FSTL5: variants seen among roughly 807,000 people sequenced by gnomAD.
FSTL5 encodes follistatin like 5, also known as follistatin-related protein 5.
FSTL5 carries 62 observed loss-of-function variants against 89.1 expected under a neutral mutation model. The ratio of observed to expected loss-of-function variants is 0.70; its 90% CI spans 0.57 to 0.86. FSTL5 has a LOEUF of 0.86. Among genes scored for constraint, FSTL5 ranks in the 40% least tolerant of loss-of-function variants. The pLI, the probability that FSTL5 is intolerant of heterozygous loss-of-function variation, is 0.00. For synonymous variants in FSTL5, 383 were observed against 346.2 expected (o/e 1.11, Z -1.18); for missense variants, 1,057 against 1,001.6 (o/e 1.06, Z -0.75).
intron 10 of FSTL5, among the ~76,000 whole-genome samples, chr4:161,530,463 A>G (rs1425821792): frequency 6.8e-6 from 1 of 147,602 alleles, no homozygotes; most frequent in African/African-American, 2.4e-5. Context: ...GTTTTTTAAA[A>G]AATCTTCAAG....
chr4:161,745,207 A>G (rs533626930), intron 6 of FSTL5, among the ~76,000 whole-genome samples: 4 of 152,226 alleles, frequency 2.6e-5, no homozygotes, highest in African/African-American at 7.2e-5. Context: ...CTAATATTTC[A>G]GCAAGTAGTA....
At chr4:161,387,123 G>A (rs1270543859) in intron 15 of FSTL5, 1 of 152,006 alleles carries the variant, frequency 6.6e-6, no homozygotes, top group Non-Finnish European at 1.5e-5. Context: ...AATATTGCTT[G>A]AGAATTATCA....
At chr4:161,664,437 G>T (rs1202063952) in intron 6 of FSTL5, among the ~76,000 whole-genome samples, 1 of 152,062 alleles carries the variant, frequency 6.6e-6, no homozygotes, top group South Asian at 2.1e-4. Context: ...TCTAGGGCAG[G>T]GTCAAAATGC....
chr4:162,029,174 TGTGTGTGTGTGTGC>T (rs1737418913), intron 3 of FSTL5, among the ~76,000 whole-genome samples: 1 of 151,658 alleles, frequency 6.6e-6, no homozygotes, highest in African/African-American at 2.4e-5. Flanking sequence ...AGAGTGTGTG[TGTGTGTGTGTGTGC>T]GTGTGTGTGT....
At chr4:161,617,559 C>T (rs141710942) in intron 7 of FSTL5, among the ~76,000 whole-genome samples, 28 of 152,094 alleles carry the variant, frequency 1.8e-4, no homozygotes, top group Non-Finnish European at 3.4e-4. Flanking sequence ...AAAATCATAC[C>T]TAGGCAAATC....
chr4:161,617,046 C>T (rs1734899127), intron 7 of FSTL5, among the ~76,000 whole-genome samples: 1 of 150,360 alleles, frequency 6.7e-6, no homozygotes, highest in Non-Finnish European at 1.5e-5. Flanking sequence ...GCAATAAGTA[C>T]CAAAAGACCT....
rs573640197 is a variant in FSTL5, at chr4:161,593,166, C to T, written c.895-5591G>A. Among the ~76,000 whole-genome samples, 3 of 151,830 alleles carry T rather than the reference C, an allele frequency of 2.0e-5. 1 individual carries two copies. In the East Asian group the frequency reaches 5.8e-4, roughly 29 times the overall value. Reference sequence around the variant, plus strand: ...AATAAAAAGCAAGCATTTATCTTCACTTCATTTTTGTAAAATGTAAATACT... The same window carrying T: ...AATAAAAAGCAAGCATTTATCTTCATTTCATTTTTGTAAAATGTAAATACT... On this transcript the variant is annotated intron_variant, in intron 7 of 15. Transcript: ENST00000306100.
At chr4:161,470,850 C>T (rs1305018874) in intron 13 of FSTL5, among the ~76,000 whole-genome samples, 1 of 152,152 alleles carries the variant, frequency 6.6e-6, no homozygotes, top group African/African-American at 2.4e-5. Flanking sequence ...TATGCTATGA[C>T]AAGTTGAACT....
chr4:161,474,668 C>T (rs886282728), intron 13 of FSTL5, among the ~76,000 whole-genome samples: 8 of 151,738 alleles, frequency 5.3e-5, no homozygotes, highest in African/African-American at 1.9e-4. Context: ...GCCTCAGCCA[C>T]CTAAGTAGCT....
At chr4:162,080,920 T>C (rs1233381976) in intron 2 of FSTL5, among the ~76,000 whole-genome samples, 1 of 151,682 alleles carries the variant, frequency 6.6e-6, no homozygotes, top group East Asian at 1.9e-4. Context: ...AAATTATTGC[T>C]GTGAACTAAG....
At position 161,634,783 on chromosome 4, in the gene FSTL5, A is replaced by G. The variant is rs775511679; in HGVS notation, c.894+21545T>C. ...ATTGTTCAAAGGGTACGAAGTTTCT[A>G]TTATGCAGGATGATTGAATTATTGA... is the stretch of plus-strand genomic sequence containing the variant. On this transcript the variant is annotated intron_variant, in intron 7 of 15. Transcript: ENST00000306100. Among the ~76,000 whole-genome samples, 4 of 152,158 alleles carry G rather than the reference A, an allele frequency of 2.6e-5. No individual in the cohort carries two copies. The East Asian group carries it at 7.7e-4, about 29-fold the overall frequency.
chr4:161,822,476 C>T (rs1196410346), intron 4 of FSTL5, among the ~76,000 whole-genome samples: 1 of 152,168 alleles, frequency 6.6e-6, no homozygotes, highest in Non-Finnish European at 1.5e-5. Flanking sequence ...GGCACTGGTG[C>T]AGGCACTGGC....
intron 14 of FSTL5, among the ~76,000 whole-genome samples, chr4:161,456,146 T>G (rs1733343901): frequency 6.6e-6 from 1 of 152,192 alleles, no homozygotes. Flanking sequence ...TTTCAAGTTA[T>G]TTCCTGGGAA....
intron 3 of FSTL5, among the ~76,000 whole-genome samples, chr4:161,923,343 AATT>A (rs974783918): frequency 1.3e-5 from 2 of 151,910 alleles, no homozygotes; most frequent in African/African-American, 4.8e-5. Flanking sequence ...AAATTATATC[AATT>A]ATTACTATAA....
intron 4 of FSTL5, among the ~76,000 whole-genome samples, chr4:161,874,774 A>C (rs762667038): frequency 7.2e-5 from 11 of 152,148 alleles, no homozygotes; most frequent in Non-Finnish European, 1.3e-4. Context: ...CCCATAAATC[A>C]TGTAAACAAA....
intron 14 of FSTL5, among the ~76,000 whole-genome samples, chr4:161,455,460 C>A (rs753457305): frequency 6.6e-6 from 1 of 151,960 alleles, no homozygotes; most frequent in Non-Finnish European, 1.5e-5. Context: ...TGCAAACATA[C>A]AAGTAATGTG....
At chr4:162,097,838 C>A (rs2111374287) in intron 2 of FSTL5, among the ~76,000 whole-genome samples, 1 of 151,914 alleles carries the variant, frequency 6.6e-6, no homozygotes, top group East Asian at 1.9e-4. Flanking sequence ...AAATGTGGAC[C>A]ACCTGGAAAT....
In FSTL5 at chr4:161,655,516, T is replaced by C. The variant is rs78191472; in HGVS notation, c.894+812A>G. Among the ~76,000 whole-genome samples the C allele has an allele frequency of 6.0e-3, 914 of 152,246 alleles. 9 individuals carry two copies. Among genetic ancestry groups the C allele is most frequent in the South Asian group, 0.045 (219 of 4,830 alleles). ...TGTGATCTTTCTAGAATGTGTTTCA[T>C]AGGTATTAGAACATTATTGGTAAGT... On this transcript the variant is annotated intron_variant, in intron 7 of 15. Coordinates refer to ENST00000306100, the MANE Select transcript of FSTL5 (RefSeq NM_020116.5).
intron 4 of FSTL5, among the ~76,000 whole-genome samples, chr4:161,914,193 C>CTA: frequency 6.6e-6 from 1 of 152,174 alleles, no homozygotes; most frequent in Admixed American, 6.5e-5. Context: ...TCACTTTTGA[C>CTA]TATTGTGCCC....
Sources: allele counts gnomAD v4.1 joint callset (sites outside exome capture counted in the v4.1 genomes callset), GRCh38; gene constraint gnomAD v4.1.1; transcripts MANE v1.5; gene names NCBI Gene and HGNC (gene_info 2026-07-23, HGNC 2026-07-21).